FILIP1L: variants seen among roughly 807,000 people sequenced by gnomAD.
FILIP1L encodes filamin A-interacting protein 1-like.
FILIP1L carries 55 observed loss-of-function variants against 96.6 expected under a neutral mutation model. That is an observed-to-expected ratio of 0.57 (90% confidence interval 0.46 to 0.71). The LOEUF (loss-of-function observed/expected upper bound fraction) is 0.71. FILIP1L is among the 30% of genes least tolerant of loss of function. The probability of loss-of-function intolerance (pLI) is 0.00; values close to 1 mark genes in which losing one functional copy is unlikely to be tolerated. For missense variants in FILIP1L, 1,304 were observed against 1,321.2 expected, an observed-to-expected ratio of 0.99 and a Z score of 0.20; for synonymous variants, 467 against 473.9, an observed-to-expected ratio of 0.99 and a Z score of 0.19.
chr3:99,969,715 C>T (rs953412958), intron 1 of FILIP1L, among the ~76,000 whole-genome samples: 1 of 151,962 alleles, frequency 6.6e-6, no homozygotes, highest in African/African-American at 2.4e-5. Flanking sequence ...GGAAGCAGCC[C>T]CACTAGATAA....
chr3:100,069,331 T>A (rs1309757195), intron 1 of FILIP1L, among the ~76,000 whole-genome samples: 1 of 152,046 alleles, frequency 6.6e-6, no homozygotes, highest in Non-Finnish European at 1.5e-5. Flanking sequence ...AAAAGATCTA[T>A]TAATTTCTTG....
At chr3:100,106,922 A>G (rs2066406078) in intron 1 of FILIP1L, among the ~76,000 whole-genome samples, 1 of 152,188 alleles carries the variant, frequency 6.6e-6, no homozygotes, top group African/African-American at 2.4e-5. Context: ...AAACTCTGAG[A>G]AAAATATTTT....
At chr3:99,881,558 A>G (rs1705729512) in intron 4 of FILIP1L, among the ~76,000 whole-genome samples, 1 of 150,442 alleles carries the variant, frequency 6.6e-6, no homozygotes, top group African/African-American at 2.4e-5. Flanking sequence ...TTTGAGACAC[A>G]GTCTCACTCT....
intron 1 of FILIP1L, among the ~76,000 whole-genome samples, chr3:99,993,615 G>A (rs1377947498): frequency 1.3e-5 from 2 of 152,094 alleles, no homozygotes; most frequent in African/African-American, 4.8e-5. Context: ...GTGTGGGTTT[G>A]TCATATATGG....
At chr3:100,093,453 C>CA (rs958514288) in intron 1 of FILIP1L, among the ~76,000 whole-genome samples, 38 of 151,968 alleles carry the variant, frequency 2.5e-4, no homozygotes, top group Middle Eastern at 3.4e-3. Context: ...TACTTTTTTA[C>CA]AAAAAATATA....
intron 1 of FILIP1L, among the ~76,000 whole-genome samples, chr3:100,101,501 C>T (rs888417340): frequency 5.3e-5 from 8 of 152,082 alleles, no homozygotes; most frequent in African/African-American, 7.2e-5. Flanking sequence ...ACCTTGCTTT[C>T]GGTGAAGTAC....
rs1576570639 is a variant in FILIP1L at position 99,916,365 on chromosome 3, T to C, written c.605+7865A>G. Among the ~76,000 whole-genome samples, 3 of 151,732 alleles carry C rather than the reference T, an allele frequency of 2.0e-5. No individual in the cohort carries two copies. The East Asian group carries it at 5.8e-4, about 29-fold the overall frequency. On this transcript the variant is annotated intron_variant, in intron 4 of 5. Transcript: ENST00000477258. ...TGACTGGCTTTCTTGGGTCTCCAGT[T>C]TGAAGACAGCAGCTCATGCAACTGC...
At chr3:100,045,105 C>T (rs191101077) in intron 1 of FILIP1L, among the ~76,000 whole-genome samples, 49 of 152,278 alleles carry the variant, frequency 3.2e-4, no homozygotes, top group African/African-American at 1.2e-3. Context: ...ACAGATCTGG[C>T]GCTCACAAGA....
At chr3:100,033,037 G>A (rs1421216005) in intron 1 of FILIP1L, among the ~76,000 whole-genome samples, 1 of 150,818 alleles carries the variant, frequency 6.6e-6, no homozygotes, top group Non-Finnish European at 1.5e-5. Flanking sequence ...CCACTCTACT[G>A]TTACCATTGA....
At chr3:99,865,888 C>A (rs1944488229) in intron 4 of FILIP1L, among the ~76,000 whole-genome samples, 1 of 151,850 alleles carries the variant, frequency 6.6e-6, no homozygotes, top group African/African-American at 2.4e-5. Context: ...ATTAAAGAAT[C>A]CAGGAATGGT....
intron 1 of FILIP1L, among the ~76,000 whole-genome samples, chr3:99,972,694 G>C (rs1183018433): frequency 6.6e-6 from 1 of 152,184 alleles, no homozygotes; most frequent in South Asian, 2.1e-4. Flanking sequence ...CAAAGCCAAG[G>C]AACTGCATGG....
chr3:99,988,757 C>T (rs1269011537), intron 1 of FILIP1L, among the ~76,000 whole-genome samples: 1 of 152,126 alleles, frequency 6.6e-6, no homozygotes, highest in African/African-American at 2.4e-5. Flanking sequence ...ATAACTTTTA[C>T]AGAAACATAG....
At chr3:99,995,515 C>A (rs1357365300) in intron 1 of FILIP1L, among the ~76,000 whole-genome samples, 2 of 152,298 alleles carry the variant, frequency 1.3e-5, no homozygotes, top group South Asian at 4.1e-4. Context: ...GATGGTGGCC[C>A]TCTTCTCACA....
intron 4 of FILIP1L, among the ~76,000 whole-genome samples, chr3:99,922,632 A>T (rs1055139896): frequency 1.3e-5 from 2 of 152,212 alleles, no homozygotes; most frequent in Non-Finnish European, 2.9e-5. Flanking sequence ...AAGTAGTTGA[A>T]TAAGCCATTT....
chr3:100,018,947 T>G (rs768452711), intron 1 of FILIP1L, among the ~76,000 whole-genome samples: 9 of 152,096 alleles, frequency 5.9e-5, no homozygotes, highest in Non-Finnish European at 7.4e-5. Context: ...TAAAAAGGTG[T>G]TGAACTTCAC....
At chr3:99,939,787 C>A (rs1179326210) in intron 1 of FILIP1L, among the ~76,000 whole-genome samples, 1 of 152,114 alleles carries the variant, frequency 6.6e-6, no homozygotes, top group African/African-American at 2.4e-5. Flanking sequence ...GTATTATTTC[C>A]CCAGTTTGCA....
intron 1 of FILIP1L, among the ~76,000 whole-genome samples, chr3:100,025,113 C>T (rs139181471): frequency 2.6e-5 from 4 of 152,098 alleles, no homozygotes; most frequent in Admixed American, 6.5e-5. Flanking sequence ...GGGAGTTAAT[C>T]GAGGCCGTAA....
Position 99,929,941 on chromosome 3 carries a change from T to A in FILIP1L, c.341A>T (p.Lys114Met). 4.3e-6 allele frequency: 7 copies of A among 1,613,524 alleles called. No homozygotes were observed. Among genetic ancestry groups the A allele is most frequent in the Non-Finnish European group, 5.9e-6 (7 of 1,179,654 alleles). Residue 114 changes from lysine (K) to methionine (M), a missense_variant, in exon 3 of 6, where the codon AAG becomes ATG. Coordinates refer to ENST00000477258, the MANE Select transcript of FILIP1L (RefSeq NM_001387850.1). ...EAQYGFVTPK[K>M]VLEALQRDAF... ...ATCTCTCTGGAGAGCCTCTAACACC[T>A]TTTTTGGAGTGACAAACCCATACTG...
intron 1 of FILIP1L, among the ~76,000 whole-genome samples, chr3:99,996,893 C>T (rs1179283564): frequency 2.0e-5 from 3 of 151,358 alleles, no homozygotes; most frequent in African/African-American, 7.3e-5. Flanking sequence ...ACAGCCAAAC[C>T]ATATCACTGG....
Sources: allele counts gnomAD v4.1 joint callset (sites outside exome capture counted in the v4.1 genomes callset), GRCh38; gene constraint gnomAD v4.1.1; transcripts MANE v1.5; gene names NCBI Gene and HGNC (gene_info 2026-07-23, HGNC 2026-07-21).